Variants in GRIK3 observed in about 807,000 individuals in gnomAD.
The protein encoded by GRIK3 is glutamate ionotropic receptor kainate type subunit 3, also known as glutamate receptor ionotropic, kainate 3.
In GRIK3, 29 loss-of-function variants were observed where a neutral mutation model predicts 102.5. That is an observed-to-expected ratio of 0.28 (90% CI 0.21 to 0.39). The LOEUF is 0.39. GRIK3 is among the 10% of genes least tolerant of loss of function. GRIK3 has a pLI of 1.00. For missense variants in GRIK3, 908 were observed against 1,252.4 expected (o/e 0.73, Z 4.15); for synonymous variants, 511 against 504.9 (o/e 1.01, Z -0.16).
intron 5 of GRIK3, among the ~76,000 whole-genome samples, chr1:36,864,000 T>G (rs1448703249): frequency 6.6e-6 from 1 of 152,100 alleles, no homozygotes; most frequent in Non-Finnish European, 1.5e-5. Flanking sequence ...GTCATTGTGG[T>G]TTTTGTTATT....
At chr1:36,833,599 C>T (rs902417728) in intron 10 of GRIK3, among the ~76,000 whole-genome samples, 1 of 152,248 alleles carries the variant, frequency 6.6e-6, no homozygotes, top group African/African-American at 2.4e-5. Context: ...CCATCCCTGG[C>T]ATTGCAGACA....
At chr1:36,815,597 C>A (rs1642617750) in intron 13 of GRIK3, among the ~76,000 whole-genome samples, 2 of 152,196 alleles carry the variant, frequency 1.3e-5, no homozygotes, top group Non-Finnish European at 2.9e-5. Context: ...AAATCCTAAT[C>A]ATTTCTGGGA....
chr1:36,909,457 C>T (rs751696782), intron 1 of GRIK3, among the ~76,000 whole-genome samples: 2 of 152,084 alleles, frequency 1.3e-5, no homozygotes, highest in Non-Finnish European at 2.9e-5. Flanking sequence ...CGCCACCATG[C>T]CTGGCTAATT....
chr1:36,808,100 G>A (rs1454717465), intron 13 of GRIK3, among the ~76,000 whole-genome samples: 19 of 152,196 alleles, frequency 1.2e-4, no homozygotes, highest in Non-Finnish European at 7.3e-5. Flanking sequence ...CCCAGGCTGT[G>A]CCCCACGCAA....
chr1:36,947,606 C>G (rs1298326305), intron 1 of GRIK3, among the ~76,000 whole-genome samples: 2 of 152,156 alleles, frequency 1.3e-5, no homozygotes, highest in Non-Finnish European at 2.9e-5. Flanking sequence ...AGTCAGATTT[C>G]AGCTTACATG....
chr1:36,951,394 T>C (rs1641842032), intron 1 of GRIK3, among the ~76,000 whole-genome samples: 1 of 152,262 alleles, frequency 6.6e-6, no homozygotes, highest in African/African-American at 2.4e-5. Context: ...GGACAGCAGA[T>C]GCCCTGGGGT....
intron 13 of GRIK3, among the ~76,000 whole-genome samples, chr1:36,816,750 C>T (rs915007497): frequency 1.3e-5 from 2 of 152,216 alleles, no homozygotes; most frequent in African/African-American, 4.8e-5. Flanking sequence ...GGCTCTTCCC[C>T]TCCTTCCCAC....
At chr1:36,811,089 G>C (rs939734747) in intron 13 of GRIK3, among the ~76,000 whole-genome samples, 1 of 152,234 alleles carries the variant, frequency 6.6e-6, no homozygotes, top group South Asian at 2.1e-4. Flanking sequence ...GTAAGAGTAC[G>C]TGCTACTTAG....
At chr1:36,828,760 C>T (rs1264705495) in intron 10 of GRIK3, among the ~76,000 whole-genome samples, 1 of 152,202 alleles carries the variant, frequency 6.6e-6, no homozygotes, top group African/African-American at 2.4e-5. Context: ...TTGGGAAGAA[C>T]CTCAAAGTCA....
intron 1 of GRIK3, among the ~76,000 whole-genome samples, chr1:36,950,239 G>T (rs769627688): frequency 1.3e-5 from 2 of 152,182 alleles, no homozygotes; most frequent in African/African-American, 4.8e-5. Context: ...GCTGAGACAC[G>T]ATCAAATTGG....
chr1:36,805,086 C>T lies in GRIK3; in HGVS notation c.2466G>A (p.Gly822=), dbSNP rs1247957262. The T allele has an allele frequency of 8.1e-6, 13 of 1,614,074 alleles. No homozygotes were observed. The highest frequency in any genetic ancestry group is 1.3e-5 in the African/African-American group (1 of 74,934). ...EASALGIQKI[G]GIFIVLAAGL... ...CGGCGGCCAGGACAATGAAGATGCC[C>T]CCGATCTTCTGGATCCCCAGGGCAC... is the stretch of plus-strand genomic sequence containing the variant. The change falls in exon 15 of 16, where the codon GGG becomes GGA. Residue 822 remains glycine, a synonymous_variant. Transcript: ENST00000373091.
intron 1 of GRIK3, among the ~76,000 whole-genome samples, chr1:37,023,791 C>A (rs1444473286): frequency 1.3e-5 from 2 of 152,192 alleles, no homozygotes; most frequent in Non-Finnish European, 2.9e-5. Flanking sequence ...ACCACTTAAC[C>A]TCTCTAACAC....
At position 36,806,182 on chromosome 1, in the gene GRIK3, C is replaced by T. The variant is rs142411639; in HGVS notation, c.2236G>A (p.Val746Ile). Residue 746 changes from valine to isoleucine, a missense_variant, in exon 14 of 16, where the codon GTC becomes ATC. Transcript: ENST00000373091. The surrounding 1 kb of genome is among the most constrained non-coding windows in gnomAD (Gnocchi z 4.0). Reference sequence around the variant, plus strand: ...GTGAGGTTGCAGTTCCTCTGCGTGACGTACTCGATGGTGGTGGACTCCATG... The same window carrying T: ...GTGAGGTTGCAGTTCCTCTGCGTGATGTACTCGATGGTGGTGGACTCCATG... ...LLMESTTIEY[V>I]TQRNCNLTQI... The T allele has an allele frequency of 1.8e-4, 290 of 1,614,054 alleles. No individual in the cohort carries two copies. Among genetic ancestry groups the T allele is most frequent in the Non-Finnish European group, 2.2e-4 (261 of 1,180,034 alleles).
chr1:36,996,840 T>A (rs554893233), intron 1 of GRIK3, among the ~76,000 whole-genome samples: 1 of 152,296 alleles, frequency 6.6e-6, no homozygotes, highest in South Asian at 2.1e-4. Context: ...CGCCTCCCTG[T>A]AGGACAGTGG....
Position 36,801,990 on chromosome 1 carries a change from C to A in GRIK3, c.2621G>T (p.Arg874Leu). ...AGGCTGAGGCTTGTGCTTGACTCGA[C>A]GCTGGCAGGTAAGGGAGAAACGGAT... ...DEIRFSLTCQ[R>L]RVKHKPQPPM... Residue 874 changes from arginine to leucine, a missense_variant, in exon 16 of 16, where the codon CGT (arginine) becomes CTT (leucine). By Grantham distance (102) the Arg-to-Leu change is moderately radical. This residue lies in a region of GRIK3 where 297 missense variants were observed against 362.7 expected (regional missense o/e 0.82). Coordinates refer to ENST00000373091, the MANE Select transcript of GRIK3 (RefSeq NM_000831.4). 1 of 1,613,656 alleles carries A rather than the reference C, an allele frequency of 6.2e-7. No individual in the cohort carries two copies.
intron 1 of GRIK3, among the ~76,000 whole-genome samples, chr1:36,922,274 G>A (rs1390130768): frequency 6.6e-6 from 1 of 152,226 alleles, no homozygotes; most frequent in African/African-American, 2.4e-5. Context: ...GAGGAAGGAG[G>A]AGAACAATGA....
intron 1 of GRIK3, among the ~76,000 whole-genome samples, chr1:37,021,292 A>G (rs1642711887): frequency 6.6e-6 from 1 of 152,088 alleles, no homozygotes; most frequent in Non-Finnish European, 1.5e-5. Flanking sequence ...CAACCCGTGA[A>G]AGAAAAAAAA....
At chr1:36,970,965 A>C (rs1642134050) in intron 1 of GRIK3, among the ~76,000 whole-genome samples, 1 of 152,230 alleles carries the variant, frequency 6.6e-6, no homozygotes, top group African/African-American at 2.4e-5. Flanking sequence ...ATGTGCTCAC[A>C]ACAAGCCCTT....
intron 1 of GRIK3, among the ~76,000 whole-genome samples, chr1:37,025,790 C>G (rs1013059335): frequency 6.6e-6 from 1 of 152,192 alleles, no homozygotes; most frequent in Non-Finnish European, 1.5e-5. Flanking sequence ...GAATTGGAAC[C>G]CTTTTAATAC....
Sources: gnomAD v4.1 joint callset for allele counts (sites outside exome capture counted in the v4.1 genomes callset) on GRCh38, gnomAD v4.1.1 for gene constraint, gnomAD v4.1.1 regional missense constraint, Gnocchi (gnomAD v3.1) non-coding constraint, MANE v1.5 for transcripts, NCBI Gene and HGNC (gene_info 2026-07-23, HGNC 2026-07-21) for gene names.